Variants in ELAC2 observed in about 807,000 individuals in gnomAD.
ELAC2 encodes the protein zinc phosphodiesterase ELAC protein 2.
ELAC2 carries 92 observed loss-of-function variants against 105.2 expected under a neutral mutation model. That is an observed-to-expected ratio of 0.87 (90% confidence interval 0.74 to 1.04). The LOEUF is 1.04. ELAC2 is among the 50% of genes least tolerant of loss of function. ELAC2 has a pLI of 0.00. For synonymous variants in ELAC2, 468 were observed against 409.1 expected, an observed-to-expected ratio of 1.14 and a Z score of -1.74; for missense variants, 1,099 against 1,071.7, an observed-to-expected ratio of 1.03 and a Z score of -0.36.
In ELAC2 at chr17:13,013,225, A is replaced by C; in HGVS notation, c.541T>G (p.Tyr181Asp). The change falls in exon 6 of 24, where the codon TAC becomes GAC. Residue 181 changes from tyrosine (Y) to aspartate (D), a missense_variant. Physicochemically the swap from Tyr to Asp is radical, Grantham distance 160. Coordinates refer to ENST00000338034, the MANE Select transcript of ELAC2 (RefSeq NM_018127.7). ...TACTCACTGTGTATGGGGATCTGGT[A>C]AACTGTCATGGTTTCATCCTCGTAT... Reference protein sequence around the residue: ...PEYEDETMTVYQIPIHSEQRR... With the variant: ...PEYEDETMTVDQIPIHSEQRR... The C allele has an allele frequency of 6.2e-7, 1 of 1,614,220 alleles. No individual in the cohort carries two copies. The highest frequency in any genetic ancestry group is 1.1e-5 in the South Asian group (1 of 91,086).
intron 11 of ELAC2, 116 bp from the exon 12 acceptor site, chr17:13,003,690 C>T: frequency 2.3e-6 from 2 of 880,644 alleles, no homozygotes; most frequent in Non-Finnish European, 3.7e-6. Flanking sequence ...AGTGAGCTGA[C>T]AGCCTCCACG....
intron 11 of ELAC2, among the ~76,000 whole-genome samples, chr17:13,004,607 C>T (rs1268269244): frequency 1.3e-5 from 2 of 152,224 alleles, no homozygotes; most frequent in African/African-American, 4.8e-5. Flanking sequence ...GTCTCACACA[C>T]TCTGACCCAC....
At position 12,993,697 on chromosome 17, in the gene ELAC2, T is replaced by G. The variant is rs150236149; in HGVS notation, c.2243A>C (p.Asp748Ala). 1 of 1,613,960 alleles carries G rather than the reference T, an allele frequency of 6.2e-7. No homozygotes were observed. Among genetic ancestry groups the G allele is most frequent in the African/African-American group, 1.3e-5 (1 of 74,882 alleles). The change falls in exon 23 of 24, where the codon GAC (aspartate) becomes GCC (alanine). Residue 748 changes from aspartate to alanine, a missense_variant. Physicochemically the swap from Asp to Ala is moderately radical, Grantham distance 126. Transcript: ENST00000338034. ...GTGTGACATACAGACCTTCATGTGG[T>G]CAAAGGCAACTCCCACTTTCTCGCT... ...NFSEKVGVAF[D>A]HMKVCFGDFP...
intron 3 of ELAC2, among the ~76,000 whole-genome samples, chr17:13,016,317 T>C (rs888647918): frequency 1.3e-5 from 2 of 152,188 alleles, no homozygotes; most frequent in East Asian, 1.9e-4. Context: ...GCGGTAAACA[T>C]ATTAACTGTA....
chr17:13,008,856 C>T (rs555556040), intron 8 of ELAC2, among the ~76,000 whole-genome samples: 9 of 152,156 alleles, frequency 5.9e-5, no homozygotes, highest in African/African-American at 1.2e-4. Flanking sequence ...CAGAAGGAGC[C>T]GCAGAAGACA....
In ELAC2 at chr17:12,991,629, A is replaced by T. The variant is rs768796288; in HGVS notation, c.*1189T>A. ...GTCAAAAGTAACGTTATTAAAATAG[A>T]TTTATTATCCCTGAGCTTGGCATCT... On this transcript the variant is annotated 3_prime_UTR_variant, in exon 24 of 24. Transcript: ENST00000338034. 10 of 187,606 alleles carry T rather than the reference A, an allele frequency of 5.3e-5. No individual in the cohort carries two copies. Among genetic ancestry groups the T allele is most frequent in the African/African-American group, 1.4e-4 (6 of 42,752 alleles). The allele number at this position is 187,606 out of a possible 1,614,324, so 11.6% of individuals were successfully genotyped here.
rs114943735 is a variant in ELAC2, at chr17:12,995,212, A to G, written c.1809-150T>C. The G allele has an allele frequency of 2.8e-3, 2,499 of 889,048 alleles. 55 individuals are homozygous for G. In the African/African-American group the frequency reaches 0.037, roughly 13 times the overall value. 55.1% of individuals were successfully genotyped at this position (889,048 alleles called of 1,614,324 possible). ...TCACTATGATGAGGAAACAGCAGTC[A>G]AATATAAAGAGCCAAACCAAAGCCT... On this transcript the variant is annotated intron_variant, in intron 19 of 23. Coordinates refer to ENST00000338034, the MANE Select transcript of ELAC2 (RefSeq NM_018127.7).
chr17:13,011,146 G>A (rs1024708241), intron 7 of ELAC2, among the ~76,000 whole-genome samples: 16 of 152,240 alleles, frequency 1.1e-4, no homozygotes, highest in East Asian at 5.8e-4. Flanking sequence ...AGGAGCTGCC[G>A]AGCTTTGCCA....
intron 14 of ELAC2, among the ~76,000 whole-genome samples, chr17:13,001,130 C>T (rs889132912): frequency 1.2e-4 from 18 of 152,304 alleles, no homozygotes; most frequent in Admixed American, 1.2e-3. Flanking sequence ...AGTCATAATC[C>T]AGCACATGCT....
rs1455461651 is a variant in ELAC2, at chr17:13,007,600, G to A, written c.739-1621C>T. On this transcript the variant is annotated intron_variant, in intron 8 of 23. Coordinates refer to ENST00000338034, the MANE Select transcript of ELAC2 (RefSeq NM_018127.7). ...TAATGTTTAAAAGGTACTTGCTGTTGGGGGCAGTGGCTCACGCCTGTAATC... is the reference window on the plus strand; with the variant it reads ...TAATGTTTAAAAGGTACTTGCTGTTAGGGGCAGTGGCTCACGCCTGTAATC... Among the ~76,000 whole-genome samples, 3 of 152,114 alleles carry A rather than the reference G, an allele frequency of 2.0e-5. No individual in the cohort carries two copies. In the East Asian group the frequency reaches 5.8e-4, roughly 29 times the overall value.
chr17:12,995,136 G>A, intron 19 of ELAC2, 74 bp from the exon 20 acceptor site: 1 of 1,476,156 alleles, frequency 6.8e-7, no homozygotes. Flanking sequence ...TAAGTCTTTG[G>A]CTGGAGAACC....
chr17:13,016,228 C>T (rs114228643), intron 3 of ELAC2, among the ~76,000 whole-genome samples: 1 of 152,240 alleles, frequency 6.6e-6, no homozygotes, highest in Admixed American at 6.5e-5. Context: ...CAATCCTGAC[C>T]TTCCGGTTGA....
intron 22 of ELAC2, 48 bp downstream of exon 22, chr17:12,994,377 G>A (rs759557739): frequency 1.9e-6 from 3 of 1,600,512 alleles, no homozygotes; most frequent in East Asian, 4.5e-5. Context: ...GTCACGTAGT[G>A]GGGGAGGGAG....
chr17:12,993,863 G>A, intron 22 of ELAC2, 32 bp from the exon 23 acceptor site: 1 of 1,613,914 alleles, frequency 6.2e-7, no homozygotes, highest in East Asian at 2.2e-5. Flanking sequence ...GACTGAAGCT[G>A]AACTCAACTG....
In ELAC2 at chr17:12,991,986, G is replaced by C. The variant is rs75672837; in HGVS notation, c.*832C>G. 1.3e-5 allele frequency among the ~76,000 whole-genome samples: 2 copies of C among 152,108 alleles called. No homozygotes were observed. Among genetic ancestry groups the C allele is most frequent in the South Asian group, 2.1e-4 (1 of 4,826 alleles). The stretch of plus-strand genomic sequence containing the variant: ...CCGTGTGCCATTTCTCAAAACCTTC[G>C]AGGGCAAAGTGATCCTCACTCCTCT... On this transcript the variant is annotated 3_prime_UTR_variant, in exon 24 of 24. Transcript: ENST00000338034.
At chr17:13,014,678 A>G (rs995252772) in intron 4 of ELAC2, among the ~76,000 whole-genome samples, 182 bp from the exon 5 acceptor site, 26 of 152,208 alleles carry the variant, frequency 1.7e-4, no homozygotes, top group African/African-American at 6.3e-4. Flanking sequence ...AGGATATAGC[A>G]GGAAAAAGAG....
chr17:13,015,202 T>C (rs553468311), intron 4 of ELAC2, among the ~76,000 whole-genome samples: 13 of 152,348 alleles, frequency 8.5e-5, no homozygotes, highest in African/African-American at 3.1e-4. Context: ...TGGGAGGCTA[T>C]TGTAGTTTAC....
chr17:13,005,258 TG>T, intron 10 of ELAC2, 157 bp from the exon 11 acceptor site: 1 of 702,392 alleles, frequency 1.4e-6, no homozygotes, highest in Admixed American at 2.0e-5. Context: ...AACACCCTTC[TG>T]GTCTCTTTGT....
Position 13,013,765 on chromosome 17 carries a change from C to T in ELAC2, c.491-490G>A, listed in dbSNP as rs576252780. 4.7e-4 allele frequency among the ~76,000 whole-genome samples: 72 copies of T among 152,288 alleles called. 1 individual carries two copies. The Middle Eastern group carries it at 0.017, about 36-fold the overall frequency. Reference sequence around the variant, plus strand: ...CATCAAGAGGCTGTAAGCCCCCCTGCGCAGCTGGAGCTGCGTTTCAATGTA... The same window carrying T: ...CATCAAGAGGCTGTAAGCCCCCCTGTGCAGCTGGAGCTGCGTTTCAATGTA... On this transcript the variant is annotated intron_variant, in intron 5 of 23. Transcript: ENST00000338034.
Sources: allele counts gnomAD v4.1 joint callset (sites outside exome capture counted in the v4.1 genomes callset), GRCh38; gene constraint gnomAD v4.1.1; transcripts MANE v1.5; gene names NCBI Gene and HGNC (gene_info 2026-07-23, HGNC 2026-07-21).